Variants in AFMID observed in about 807,000 individuals in gnomAD.
AFMID encodes the protein kynurenine formamidase.
In AFMID, 39 loss-of-function variants were observed where a neutral mutation model predicts 47.5. The ratio of observed to expected loss-of-function variants is 0.82; its 90% CI spans 0.64 to 1.07. AFMID has a LOEUF of 1.07. AFMID is among the 50% of genes least tolerant of loss of function. The pLI, the probability that AFMID is intolerant of heterozygous loss-of-function variation, is 0.00. For synonymous variants in AFMID, 130 were observed against 153.2 expected, an observed-to-expected ratio of 0.85 and a Z score of 1.12; for missense variants, 375 against 387.5, an observed-to-expected ratio of 0.97 and a Z score of 0.27.
intron 2 of AFMID, among the ~76,000 whole-genome samples, chr17:78,194,260 G>GAATTT (rs2076052085): frequency 6.6e-6 from 1 of 151,970 alleles, no homozygotes; most frequent in South Asian, 2.1e-4. Flanking sequence ...CGAGTAGCTG[G>GAATTT]AATTTACAGG....
intron 2 of AFMID, among the ~76,000 whole-genome samples, chr17:78,198,465 A>G (rs62079095): frequency 0.16 from 24,529 of 151,008 alleles, 2,055 homozygotes; most frequent in South Asian, 0.27. Flanking sequence ...AAAATTAGCC[A>G]TGCATGGTGG....
intron 4 of AFMID, 84 bp downstream of exon 4, chr17:78,202,835 A>G: frequency 6.7e-7 from 1 of 1,486,076 alleles, no homozygotes; most frequent in East Asian, 2.5e-5. Context: ...GCCGCAACCA[A>G]ACTGCCACAA....
chr17:78,191,121 G>C, intron 2 of AFMID, 61 bp downstream of exon 2: 1 of 1,459,560 alleles, frequency 6.9e-7, no homozygotes, highest in Non-Finnish European at 9.5e-7. Context: ...CAGTGATTCA[G>C]AATGCTGGGG....
At chr17:78,190,419 G>A (rs1160067327) in intron 1 of AFMID, among the ~76,000 whole-genome samples, 1 of 152,062 alleles carries the variant, frequency 6.6e-6, no homozygotes, top group Non-Finnish European at 1.5e-5. Context: ...TTTTGAGGTA[G>A]AGTCTTGCTC....
intron 2 of AFMID, among the ~76,000 whole-genome samples, chr17:78,192,310 CT>C (rs756391509): frequency 1.3e-3 from 99 of 77,740 alleles, no homozygotes; most frequent in African/African-American, 2.7e-3. Context: ...CATGGCTGGA[CT>C]TTTTTTTTTT....
At chr17:78,190,573 G>T in intron 1 of AFMID, 1 of 176,272 alleles carries the variant, frequency 5.7e-6, no homozygotes, top group Non-Finnish European at 1.2e-5. Flanking sequence ...TTTGTTTTCA[G>T]TAGAGATGGG....
At position 78,205,664 on chromosome 17, in the gene AFMID, A is replaced by G; in HGVS notation, c.706A>G (p.Thr236Ala). Residue 236 changes from threonine (T) to alanine (A), a missense_variant, in exon 9 of 11, where the codon ACC becomes GCC. Coordinates refer to ENST00000409257, the MANE Select transcript of AFMID (RefSeq NM_001010982.5). Reference protein sequence around the residue: ...KVAQAQPVDPTCRVLVVVGQF... With the variant: ...KVAQAQPVDPACRVLVVVGQF... The stretch of plus-strand genomic sequence containing the variant: ...GGCCCAGGCACAGCCGGTGGACCCC[A>G]CCTGCCGTGTGCTGGTGGTCGTGGG... The G allele has an allele frequency of 1.2e-6, 2 of 1,613,524 alleles. No individual in the cohort carries two copies. Among genetic ancestry groups the G allele is most frequent in the Non-Finnish European group, 1.7e-6 (2 of 1,179,968 alleles).
In AFMID at chr17:78,205,890, TGCCCCACCTCCCCTCCCACTGCTCAG is replaced by T; in HGVS notation, c.781-50_781-25del. 5 of 1,595,668 alleles carry T rather than the reference TGCCCCACCTCCCCTCCCACTGCTCAG, an allele frequency of 3.1e-6. No individual in the cohort carries two copies. The South Asian group carries it at 5.5e-5, about 18-fold the overall frequency. On this transcript the variant is annotated intron_variant, in intron 9 of 10. Transcript: ENST00000409257. ...CTGTGCCAGGCATGGCCCCATGTCC[TGCCCCACCTCCCCTCCCACTGCTCAG>T]GCCCCTCTTCCCATGTCTCCCCTGC... is the stretch of plus-strand genomic sequence containing the variant.
chr17:78,194,781 G>A (rs141621806), intron 2 of AFMID, among the ~76,000 whole-genome samples: 11,789 of 151,798 alleles, frequency 0.078, 826 homozygotes, highest in African/African-American at 0.19. Context: ...CGCAACCTCC[G>A]CCTCCCAGGT....
At chr17:78,190,228 C>CAG (rs1441027764) in intron 1 of AFMID, among the ~76,000 whole-genome samples, 3 of 151,900 alleles carry the variant, frequency 2.0e-5, no homozygotes, top group Non-Finnish European at 4.4e-5. Flanking sequence ...CATTCACCGC[C>CAG]CCTCCTCCTC....
Position 78,197,431 on chromosome 17 carries a change from A to C in AFMID, c.155-5068A>C, listed in dbSNP as rs2068108284. The C allele has an allele frequency of 1.4e-5, 7 of 483,408 alleles. No homozygotes were observed. In the South Asian group the frequency reaches 2.1e-4, roughly 14 times the overall value. The allele number at this position is 483,408 out of a possible 1,614,324, so 29.9% of individuals were successfully genotyped here. ...TAGCATGGCCTGGGAGACAGCCCAG[A>C]TGGCTTTCAGCAAAGGATTGGTGGC... is the stretch of plus-strand genomic sequence containing the variant. On this transcript the variant is annotated intron_variant, in intron 2 of 10. Coordinates refer to ENST00000409257, the MANE Select transcript of AFMID (RefSeq NM_001010982.5).
intron 1 of AFMID, among the ~76,000 whole-genome samples, chr17:78,188,896 CA>C (rs939255975): frequency 2.4e-4 from 37 of 152,074 alleles, no homozygotes; most frequent in African/African-American, 8.9e-4. Flanking sequence ...TGCGCCTGGC[CA>C]ATTTTTGTAT....
intron 2 of AFMID, among the ~76,000 whole-genome samples, 200 bp from the exon 3 acceptor site, chr17:78,202,299 T>G (rs2076264305): frequency 1.3e-5 from 2 of 151,686 alleles, no homozygotes; most frequent in African/African-American, 4.8e-5. Context: ...CATAGTGGCG[T>G]GCACCTGTAG....
chr17:78,207,270 C>CTTTT lies in AFMID; in HGVS notation c.*335_*336insTTTT. ...ATGACGCTCAAAAGTAATGCCATTA[C>CTTTT]TTCTTTTTTTTTTTTTTTTTTTTTT... is the stretch of plus-strand genomic sequence containing the variant. On this transcript the variant is annotated 3_prime_UTR_variant, in exon 11 of 11. Coordinates refer to ENST00000409257, the MANE Select transcript of AFMID (RefSeq NM_001010982.5). The CTTTT allele has an allele frequency of 6.9e-6, 1 of 145,792 alleles. No individual in the cohort carries two copies. The highest frequency in any genetic ancestry group is 1.3e-4 in the South Asian group (1 of 7,786). The allele number at this position is 145,792 out of a possible 1,614,324, so 9.0% of individuals were successfully genotyped here. A position where few individuals can be genotyped will look rare whatever the true frequency, so the allele number is the denominator to read the frequency against.
chr17:78,202,407 C>A, intron 2 of AFMID, 92 bp from the exon 3 acceptor site: 2 of 1,298,036 alleles, frequency 1.5e-6, no homozygotes, highest in Non-Finnish European at 2.2e-6. Flanking sequence ...CCAGCTTGGG[C>A]AACAGAGTGA....
intron 10 of AFMID, 137 bp downstream of exon 10, chr17:78,206,187 A>C: frequency 1.4e-6 from 1 of 704,706 alleles, no homozygotes; most frequent in Non-Finnish European, 2.4e-6. Flanking sequence ...AATACAAAAC[A>C]AATTAGCCAG....
Position 78,206,006 on chromosome 17 carries a change from G to A in AFMID, c.841G>A (p.Glu281Lys), listed in dbSNP as rs777772694. ...AGAGCTCCACGATGTGGACCACTTT[G>A]AAATTGTTGAGAATCTGACCCAGAA... ...FEELHDVDHFEIVENLTQKDN... is the reference protein window; with the variant it reads ...FEELHDVDHFKIVENLTQKDN... Residue 281 changes from glutamate (E) to lysine (K), a missense_variant, in exon 10 of 11, where the codon GAA (glutamate) becomes AAA (lysine). Coordinates refer to ENST00000409257, the MANE Select transcript of AFMID (RefSeq NM_001010982.5). 4 of 1,613,956 alleles carry A rather than the reference G, an allele frequency of 2.5e-6. No homozygotes were observed. The Admixed American group carries it at 5.0e-5, about 20-fold the overall frequency.
At chr17:78,187,715 C>T (rs916095685) in intron 1 of AFMID, among the ~76,000 whole-genome samples, 25 of 151,936 alleles carry the variant, frequency 1.6e-4, no homozygotes, top group Non-Finnish European at 8.8e-5. Context: ...ACCTGTAATC[C>T]TAGCACTTTT....
Position 78,195,505 on chromosome 17 carries a change from G to GT in AFMID, c.154+4459dup, listed in dbSNP as rs1302498783. On this transcript the variant is annotated intron_variant, in intron 2 of 10. Transcript: ENST00000409257. Reference sequence around the variant, plus strand: ...TTGCCGCGTGCAGCCCTGCAGTCCTGTTTTTTTTTTTTTTGGGGCGGAGTT... The same window carrying GT: ...TTGCCGCGTGCAGCCCTGCAGTCCTGTTTTTTTTTTTTTTTGGGGCGGAGTT... Among the ~76,000 whole-genome samples the GT allele has an allele frequency of 3.9e-3, 529 of 134,700 alleles. 1 individual carries two copies. Among genetic ancestry groups the GT allele is most frequent in the Middle Eastern group, 0.013 (3 of 238 alleles). 88.4% of individuals were successfully genotyped at this position (134,700 alleles called of 152,430 possible). A position where few individuals can be genotyped will look rare whatever the true frequency, so the allele number is the denominator to read the frequency against.
Sources: allele counts gnomAD v4.1 joint callset (sites outside exome capture counted in the v4.1 genomes callset), GRCh38; gene constraint gnomAD v4.1.1; transcripts MANE v1.5; gene names NCBI Gene and HGNC (gene_info 2026-07-23, HGNC 2026-07-21).